MSTO1: variants seen among roughly 807,000 people sequenced by gnomAD.
The protein encoded by MSTO1 is protein misato homolog 1.
Under a neutral mutation model 55.7 loss-of-function variants are expected in MSTO1, and 24 were observed. The ratio of observed to expected loss-of-function variants is 0.43; its 90% confidence interval spans 0.31 to 0.61. The LOEUF is 0.61. Among genes scored for constraint, MSTO1 ranks in the 20% least tolerant of loss-of-function variants. The pLI is 0.09. For missense variants in MSTO1, 363 were observed against 625.7 expected (o/e 0.58, Z 4.48); for synonymous variants, 162 against 252.8 (o/e 0.64, Z 3.41).
At chr1:155,606,201 T>TC (rs1672932516), upstream of MSTO1, among the ~76,000 whole-genome samples, 2 of 110,998 alleles carry the variant, frequency 1.8e-5, no homozygotes, top group East Asian at 4.8e-4. Flanking sequence ...GCCCAGCCTT[T>TC]TTTTTTTTTT....
the MSTO1 span, among the ~76,000 whole-genome samples, chr1:155,595,494 T>G: frequency 1.3e-5 from 2 of 148,982 alleles, no homozygotes; most frequent in Admixed American, 6.7e-5. Flanking sequence ...TCTTTTTCTT[T>G]TTTTTTTTTT....
chr1:155,610,279 C>T lies in MSTO1; in HGVS notation c.31C>T (p.Leu11=), dbSNP rs1336509797. The T allele has an allele frequency of 2.1e-6, 2 of 964,514 alleles. No homozygotes were observed. The highest frequency in any genetic ancestry group is 3.1e-6 in the Non-Finnish European group (2 of 650,986). The allele number at this position is 964,514 out of a possible 1,614,324, so 59.7% of individuals were successfully genotyped here. The part of the protein sequence containing the change: MAGGAREVLT[L]QLGHFAGFVG... ...GGGCGGGGCCCGGGAGGTGCTCACA[C>T]TGCAGTTGGGACATTTTGCCGGTTT... Residue 11 remains leucine (L), a synonymous_variant, in exon 1 of 14, where the codon CTG becomes TTG. Coordinates refer to ENST00000245564, the MANE Select transcript of MSTO1 (RefSeq NM_018116.4).
At chr1:155,609,243 A>ATGTATATATT (rs59756178), upstream of MSTO1, among the ~76,000 whole-genome samples, 15 of 54,590 alleles carry the variant, frequency 2.7e-4, no homozygotes, top group Non-Finnish European at 2.7e-4. Context: ...ATATATATAT[A>ATGTATATATT]TTTTTTTTTT....
chr1:155,573,891 T>C, the MSTO1 span, among the ~76,000 whole-genome samples: 504 of 150,584 alleles, frequency 3.3e-3, 2 homozygotes, highest in African/African-American at 0.012. Context: ...TGCTAGGCAA[T>C]CGTATCCTGT....
the MSTO1 span, among the ~76,000 whole-genome samples, chr1:155,570,019 G>T: frequency 2.6e-5 from 4 of 152,138 alleles, no homozygotes; most frequent in South Asian, 8.3e-4. Context: ...TTAGTACCCA[G>T]AAATACCCAA....
At chr1:155,605,319 A>T (rs749754990), upstream of MSTO1, among the ~76,000 whole-genome samples, 1 of 152,170 alleles carries the variant, frequency 6.6e-6, no homozygotes, top group Non-Finnish European at 1.5e-5. Context: ...AAAAAAGCAC[A>T]TCACCACAGA....
At chr1:155,599,076 G>C in the MSTO1 span, among the ~76,000 whole-genome samples, 1 of 152,088 alleles carries the variant, frequency 6.6e-6, no homozygotes, top group Non-Finnish European at 1.5e-5. Context: ...TTGGAAAGCC[G>C]AGGCAGGCGG....
chr1:155,581,228 G>A, the MSTO1 span, among the ~76,000 whole-genome samples: 1 of 152,022 alleles, frequency 6.6e-6, no homozygotes, highest in Non-Finnish European at 1.5e-5. Context: ...GCCTCCCAAA[G>A]TGTGGGCATT....
the MSTO1 span, among the ~76,000 whole-genome samples, chr1:155,574,210 T>G: frequency 1.3e-5 from 2 of 152,018 alleles, no homozygotes; most frequent in African/African-American, 4.8e-5. Flanking sequence ...ACACAAAAAT[T>G]AGCCAAGTGT....
At chr1:155,607,460 C>T (rs532366599), upstream of MSTO1, among the ~76,000 whole-genome samples, 3 of 152,290 alleles carry the variant, frequency 2.0e-5, no homozygotes, top group South Asian at 6.2e-4. Flanking sequence ...AGGTCTGAGC[C>T]ACCGCGCCTA....
At chr1:155,582,428 G>T in the MSTO1 span, among the ~76,000 whole-genome samples, 1 of 152,052 alleles carries the variant, frequency 6.6e-6, no homozygotes, top group Non-Finnish European at 1.5e-5. Flanking sequence ...TGTTGATTTG[G>T]CTTGTTGATA....
rs573596153 is a variant in MSTO1 at position 155,613,043 on chromosome 1, C to T, written c.1099-6C>T. ...TCCTATAACGTGTTCTCTTCCATCT[C>T]TTTAGGTGGTGACAGCAGGAGCAAT... On this transcript the variant is annotated splice_region_variant and splice_polypyrimidine_tract_variant and intron_variant, in intron 10 of 13. Transcript: ENST00000245564. 2 of 1,613,776 alleles carry T rather than the reference C, an allele frequency of 1.2e-6. No homozygotes were observed. The highest frequency in any genetic ancestry group is 2.2e-5 in the South Asian group (2 of 91,050).
chr1:155,600,405 CAGA>C, the MSTO1 span, among the ~76,000 whole-genome samples: 2 of 152,186 alleles, frequency 1.3e-5, no homozygotes, highest in South Asian at 2.1e-4. Context: ...AATCTCAAGG[CAGA>C]AGAATTTTTC....
rs745688033 is a variant in MSTO1 at position 155,614,057 on chromosome 1, A to G, written c.1499-2A>G. The G allele has an allele frequency of 1.4e-6, 2 of 1,436,940 alleles. No individual in the cohort carries two copies. Among genetic ancestry groups the G allele is most frequent in the South Asian group, 2.9e-5 (2 of 68,340 alleles). 89.0% of individuals were successfully genotyped at this position (1,436,940 alleles called of 1,614,324 possible). ...AGGTCTCTGTTTCCTCTCCCTCCAC[A>G]GCAGTGGAGAGCATCCCAGTGTTTG... is the stretch of plus-strand genomic sequence containing the variant. On this transcript the variant is annotated splice_acceptor_variant, in intron 13 of 13. Coordinates refer to ENST00000245564, the MANE Select transcript of MSTO1 (RefSeq NM_018116.4). LOFTEE classifies it high-confidence loss of function.
upstream of MSTO1, among the ~76,000 whole-genome samples, chr1:155,605,382 A>C (rs942213815): frequency 2.0e-5 from 3 of 152,244 alleles, no homozygotes; most frequent in African/African-American, 7.2e-5. Flanking sequence ...ACTTGGTAGT[A>C]ATAGCTCTGA....
chr1:155,587,337 G>A, the MSTO1 span, among the ~76,000 whole-genome samples: 3 of 151,220 alleles, frequency 2.0e-5, no homozygotes, highest in East Asian at 5.9e-4. Context: ...CTACTCCAGA[G>A]GCTGAAGCAG....
At chr1:155,567,854 A>G in the MSTO1 span, among the ~76,000 whole-genome samples, 134 of 151,236 alleles carry the variant, frequency 8.9e-4, no homozygotes, top group African/African-American at 3.1e-3. Context: ...GGCCAACATG[A>G]TGAAACCCCG....
At chr1:155,612,619 T>G in intron 9 of MSTO1, 49 bp downstream of exon 9, 1 of 1,562,062 alleles carries the variant, frequency 6.4e-7, no homozygotes, top group South Asian at 1.2e-5. Flanking sequence ...CAGGGCCTCC[T>G]CATGCTCCCA....
the MSTO1 span, among the ~76,000 whole-genome samples, chr1:155,603,214 A>G: frequency 6.6e-6 from 1 of 151,860 alleles, no homozygotes; most frequent in African/African-American, 2.4e-5. Flanking sequence ...AAAATACAAA[A>G]ATTAGCTGGG....
Sources: allele counts gnomAD v4.1 joint callset (sites outside exome capture counted in the v4.1 genomes callset), GRCh38; gene constraint gnomAD v4.1.1; transcripts MANE v1.5; gene names NCBI Gene and HGNC (gene_info 2026-07-23, HGNC 2026-07-21).